Variants in VTI1A observed in about 807,000 individuals in gnomAD.
VTI1A encodes vesicle transport through interaction with t-SNAREs 1A, also known as vesicle transport through interaction with t-SNAREs homolog 1A.
Under a neutral mutation model 34.9 loss-of-function variants are expected in VTI1A, and 22 were observed. That is an observed-to-expected ratio of 0.63 (90% confidence interval 0.45 to 0.90). VTI1A has a LOEUF of 0.90. VTI1A is among the 40% of genes least tolerant of loss of function. VTI1A has a pLI of 0.00. For synonymous variants in VTI1A, 87 were observed against 97.3 expected (o/e 0.89, Z 0.62); for missense variants, 268 against 275.6 (o/e 0.97, Z 0.20).
At chr10:112,645,986 G>C (rs1488140770) in intron 5 of VTI1A, among the ~76,000 whole-genome samples, 2 of 147,142 alleles carry the variant, frequency 1.4e-5, no homozygotes, top group East Asian at 4.0e-4. Context: ...GTAGTGCCAG[G>C]GATGGGGAGT....
chr10:112,630,837 G>A (rs909513833), intron 5 of VTI1A, among the ~76,000 whole-genome samples: 4 of 152,214 alleles, frequency 2.6e-5, no homozygotes, highest in African/African-American at 7.2e-5. Context: ...AATATAAGAA[G>A]GCAGCCAAGT....
intron 7 of VTI1A, among the ~76,000 whole-genome samples, chr10:112,759,704 TCAAAGGAACTG>T (rs1345944070): frequency 3.3e-5 from 5 of 152,108 alleles, no homozygotes; most frequent in African/African-American, 1.2e-4. Flanking sequence ...AGAAGCAGAT[TCAAAGGAACTG>T]CATGCTTTTC....
chr10:112,459,658 A>T (rs1177607397), intron 1 of VTI1A, among the ~76,000 whole-genome samples: 1 of 152,182 alleles, frequency 6.6e-6, no homozygotes, highest in Non-Finnish European at 1.5e-5. Context: ...AAAACTAGAG[A>T]TGTTCAATAC....
intron 7 of VTI1A, among the ~76,000 whole-genome samples, chr10:112,738,476 G>A (rs780412879): frequency 6.6e-6 from 1 of 152,092 alleles, no homozygotes; most frequent in African/African-American, 2.4e-5. Context: ...TTTATATCTA[G>A]GATTCAGCAC....
chr10:112,549,747 T>A (rs1851275668), intron 5 of VTI1A, among the ~76,000 whole-genome samples: 1 of 152,120 alleles, frequency 6.6e-6, no homozygotes, highest in African/African-American at 2.4e-5. Context: ...CTTGACCAGA[T>A]CCTATGAATT....
the VTI1A span, among the ~76,000 whole-genome samples, chr10:112,837,400 C>A: frequency 6.6e-6 from 1 of 152,134 alleles, no homozygotes; most frequent in Non-Finnish European, 1.5e-5. Flanking sequence ...AGTGACCCAC[C>A]GATGTGGATC....
At chr10:112,664,022 TTGG>T (rs1418476109) in intron 5 of VTI1A, among the ~76,000 whole-genome samples, 1 of 152,248 alleles carries the variant, frequency 6.6e-6, no homozygotes, top group Non-Finnish European at 1.5e-5. Context: ...ACTAAAATTG[TTGG>T]TGAAGTTTTC....
At chr10:112,585,778 C>T (rs1360458817) in intron 5 of VTI1A, among the ~76,000 whole-genome samples, 4 of 150,806 alleles carry the variant, frequency 2.7e-5, no homozygotes, top group Non-Finnish European at 4.4e-5. Flanking sequence ...AACAGTATTC[C>T]AAAACTGTAA....
intron 5 of VTI1A, among the ~76,000 whole-genome samples, chr10:112,623,918 AG>A (rs1410657609): frequency 6.6e-6 from 1 of 152,224 alleles, no homozygotes; most frequent in African/African-American, 2.4e-5. Context: ...ACTGGTCAGA[AG>A]CAGCCTCTGC....
chr10:112,700,117 C>CAAAAAAAAAAAAAAAA (rs1201699870), intron 7 of VTI1A, among the ~76,000 whole-genome samples: 4 of 40,368 alleles, frequency 9.9e-5, no homozygotes, highest in Non-Finnish European at 1.8e-4. Flanking sequence ...GACTCCATCT[C>CAAAAAAAAAAAAAAAA]AAAAAAAAAA....
intron 5 of VTI1A, among the ~76,000 whole-genome samples, chr10:112,630,876 CT>C (rs1431619791): frequency 3.3e-5 from 5 of 152,142 alleles, no homozygotes; most frequent in Non-Finnish European, 4.4e-5. Flanking sequence ...AATCCCAGCA[CT>C]TTGGGAGGCT....
intron 5 of VTI1A, among the ~76,000 whole-genome samples, chr10:112,611,737 ATTTTTTTTTTT>A (rs3057346): frequency 9.9e-6 from 1 of 100,856 alleles, no homozygotes; most frequent in Non-Finnish European, 1.9e-5. Flanking sequence ...GAGAAAGGTA[ATTTTTTTTTTT>A]TTTTTTTTTT....
intron 7 of VTI1A, among the ~76,000 whole-genome samples, chr10:112,684,759 T>G (rs891112403): frequency 6.6e-6 from 1 of 152,166 alleles, no homozygotes; most frequent in Non-Finnish European, 1.5e-5. Flanking sequence ...TTTTATGACT[T>G]CCTCATTCTT....
chr10:112,746,765 G>A (rs914727221), intron 7 of VTI1A, among the ~76,000 whole-genome samples: 6 of 152,152 alleles, frequency 3.9e-5, no homozygotes, highest in Admixed American at 3.3e-4. Flanking sequence ...ACTCAACATT[G>A]GCTGCTATCA....
Position 112,601,558 on chromosome 10 carries a change from C to G in VTI1A, c.427+63228C>G, listed in dbSNP as rs147032059. On this transcript the variant is annotated intron_variant, in intron 5 of 7. Coordinates refer to ENST00000393077, the MANE Select transcript of VTI1A (RefSeq NM_145206.4). ...CTTTATTTACTGTGGTATGCAGTCA[C>G]TTTTCTTAGTTGTTCCGTGCCTCAT... is the stretch of plus-strand genomic sequence containing the variant. 7.4e-4 allele frequency among the ~76,000 whole-genome samples: 113 copies of G among 152,040 alleles called. 1 individual carries two copies. The highest frequency in any genetic ancestry group is 3.1e-3 in the Admixed American group (47 of 15,270).
At chr10:112,475,221 T>C (rs961107302) in intron 3 of VTI1A, among the ~76,000 whole-genome samples, 5 of 152,274 alleles carry the variant, frequency 3.3e-5, no homozygotes, top group East Asian at 3.8e-4. Flanking sequence ...ATGACAACTT[T>C]GGGCTTGAAA....
intron 7 of VTI1A, among the ~76,000 whole-genome samples, chr10:112,750,782 T>G (rs1851074897): frequency 6.6e-6 from 1 of 152,226 alleles, no homozygotes; most frequent in Admixed American, 6.5e-5. Context: ...TCCTGTAGAA[T>G]GGCCATAATT....
the VTI1A span, among the ~76,000 whole-genome samples, chr10:112,854,760 G>C: frequency 5.3e-5 from 8 of 152,314 alleles, no homozygotes; most frequent in Non-Finnish European, 1.0e-4. Flanking sequence ...CAGTATGTAG[G>C]GAGAGCAATC....
At chr10:112,832,643 T>G in the VTI1A span, among the ~76,000 whole-genome samples, 5 of 152,234 alleles carry the variant, frequency 3.3e-5, no homozygotes, top group African/African-American at 1.2e-4. Context: ...TTTCAGACTG[T>G]CCTCTTCCCT....
Sources: allele counts gnomAD v4.1 joint callset (sites outside exome capture counted in the v4.1 genomes callset), GRCh38; gene constraint gnomAD v4.1.1; transcripts MANE v1.5; gene names NCBI Gene and HGNC (gene_info 2026-07-23, HGNC 2026-07-21).